SCAMP1: variants seen among roughly 807,000 people sequenced by gnomAD.
SCAMP1 encodes secretory carrier membrane protein 1.
A neutral mutation model predicts 41.8 loss-of-function variants in SCAMP1; 15 were observed. The observed-to-expected ratio is 0.36, with a 90% confidence interval of 0.24 to 0.55. The LOEUF is 0.55. SCAMP1 is among the 20% of genes least tolerant of loss of function. The probability of loss-of-function intolerance (pLI) is 0.86; values close to 1 mark genes in which losing one functional copy is unlikely to be tolerated. For synonymous variants in SCAMP1, 135 were observed against 136.8 expected (o/e 0.99, Z 0.09); for missense variants, 341 against 412.6 (o/e 0.83, Z 1.50).
Position 78,450,324 on chromosome 5 carries a change from GAGAT to G in SCAMP1, c.734+294_734+297del, listed in dbSNP as rs1409467359. Among the ~76,000 whole-genome samples the G allele has an allele frequency of 8.5e-5, 13 of 152,270 alleles. No individual in the cohort carries two copies. The East Asian group carries it at 2.5e-3, about 29-fold the overall frequency. ...TGCAAAAGAGACTGAGGTGGTCAGAGAGATAGAGGGACCAAGGAATGTGGAAGGG... is the reference window on the plus strand; with the variant it reads ...TGCAAAAGAGACTGAGGTGGTCAGAGAGAGGGACCAAGGAATGTGGAAGGG... On this transcript the variant is annotated intron_variant, in intron 7 of 8. Coordinates refer to ENST00000621999, the MANE Select transcript of SCAMP1 (RefSeq NM_004866.6).
intron 7 of SCAMP1, among the ~76,000 whole-genome samples, chr5:78,453,366 G>T (rs983189659): frequency 1.3e-5 from 2 of 149,414 alleles, no homozygotes; most frequent in African/African-American, 2.5e-5. Context: ...TTTTGTATAA[G>T]GTGTAAGGAA....
At chr5:78,413,484 C>T (rs1448845400) in intron 2 of SCAMP1, among the ~76,000 whole-genome samples, 6 of 146,562 alleles carry the variant, frequency 4.1e-5, no homozygotes, top group Non-Finnish European at 8.9e-5. Context: ...GTGGCATAAT[C>T]TGGGCTCACT....
chr5:78,430,106 A>ATTTG (rs1752569923), intron 6 of SCAMP1, among the ~76,000 whole-genome samples: 1 of 41,744 alleles, frequency 2.4e-5, no homozygotes, highest in African/African-American at 7.4e-5. Flanking sequence ...TAAATACAGT[A>ATTTG]TTTATTTATA....
chr5:78,430,094 T>A (rs1239494474), intron 6 of SCAMP1, among the ~76,000 whole-genome samples: 1 of 74,950 alleles, frequency 1.3e-5, no homozygotes, highest in African/African-American at 4.4e-5. Flanking sequence ...AGTATTTATT[T>A]ATAAATACAG....
intron 6 of SCAMP1, among the ~76,000 whole-genome samples, chr5:78,439,042 C>A (rs1371419490): frequency 6.6e-6 from 1 of 152,088 alleles, no homozygotes; most frequent in Non-Finnish European, 1.5e-5. Context: ...GCAACCCCTG[C>A]TTCTTTTTGC....
intron 2 of SCAMP1, among the ~76,000 whole-genome samples, chr5:78,406,594 G>A (rs1182350928): frequency 1.3e-5 from 2 of 152,052 alleles, no homozygotes; most frequent in African/African-American, 4.8e-5. Context: ...CTATATTATA[G>A]AGCAGTCCAT....
At chr5:78,405,138 A>AT (rs1751900838) in intron 2 of SCAMP1, among the ~76,000 whole-genome samples, 1 of 152,146 alleles carries the variant, frequency 6.6e-6, no homozygotes, top group Non-Finnish European at 1.5e-5. Flanking sequence ...TGAATTACTG[A>AT]TTTTTTAGTT....
At chr5:78,419,752 C>T (rs1261319959) in intron 5 of SCAMP1, among the ~76,000 whole-genome samples, 1 of 152,140 alleles carries the variant, frequency 6.6e-6, no homozygotes, top group Non-Finnish European at 1.5e-5. Context: ...ACCACCCTTC[C>T]CTTAATGGAT....
chr5:78,434,243 C>T (rs1360594176), intron 6 of SCAMP1, among the ~76,000 whole-genome samples: 4 of 152,194 alleles, frequency 2.6e-5, no homozygotes, highest in African/African-American at 9.7e-5. Context: ...TAGAGCAATG[C>T]ATCACAAGCT....
At chr5:78,395,441 A>G (rs1561259084) in intron 2 of SCAMP1, among the ~76,000 whole-genome samples, 1 of 152,208 alleles carries the variant, frequency 6.6e-6, no homozygotes, top group Non-Finnish European at 1.5e-5. Flanking sequence ...CACACTGGAT[A>G]TATTCATTTT....
At chr5:78,381,749 A>G (rs549866956) in intron 1 of SCAMP1, among the ~76,000 whole-genome samples, 41 of 152,324 alleles carry the variant, frequency 2.7e-4, no homozygotes, top group African/African-American at 8.4e-4. Context: ...TACTTGCTTT[A>G]TGCCAAATTT....
intron 6 of SCAMP1, among the ~76,000 whole-genome samples, chr5:78,439,811 A>G (rs115265355): frequency 6.6e-6 from 1 of 152,156 alleles, no homozygotes; most frequent in East Asian, 1.9e-4. Flanking sequence ...TTAGAGTGTT[A>G]TACAACTTGG....
chr5:78,469,885 G>T (rs1229108863), intron 8 of SCAMP1, among the ~76,000 whole-genome samples: 2 of 64,674 alleles, frequency 3.1e-5, no homozygotes, highest in South Asian at 6.1e-4. Context: ...CCCCTTACAA[G>T]ACATTAAAAA....
rs1754058642 is a variant in SCAMP1, at chr5:78,478,568, C to G, written c.*2900C>G. On this transcript the variant is annotated 3_prime_UTR_variant, in exon 9 of 9. Transcript: ENST00000621999. ...ATACAGATCATCTAGAAGTTAGATTCAAAATGGAAAACCTATTCATGGCTC... is the reference window on the plus strand; with the variant it reads ...ATACAGATCATCTAGAAGTTAGATTGAAAATGGAAAACCTATTCATGGCTC... The G allele has an allele frequency of 6.6e-6, 1 of 152,090 alleles. No individual in the cohort carries two copies. The highest frequency in any genetic ancestry group is 2.1e-4 in the South Asian group (1 of 4,830). 9.4% of individuals were successfully genotyped at this position (152,090 alleles called of 1,614,324 possible).
In SCAMP1 at chr5:78,480,614, C is replaced by T. The variant is rs1754118804; in HGVS notation, c.*4946C>T. ...CTAGTCTCCTGCACAAAAACTGAAC[C>T]CACTGGGCCTATGCATCCCTCACAC... On this transcript the variant is annotated 3_prime_UTR_variant, in exon 9 of 9. Coordinates refer to ENST00000621999, the MANE Select transcript of SCAMP1 (RefSeq NM_004866.6). 6.6e-6 allele frequency among the ~76,000 whole-genome samples: 1 copy of T among 152,074 alleles called. No homozygotes were observed. The highest frequency in any genetic ancestry group is 2.4e-5 in the African/African-American group (1 of 41,402).
At chr5:78,447,181 G>C (rs1753071585) in intron 6 of SCAMP1, among the ~76,000 whole-genome samples, 2 of 152,218 alleles carry the variant, frequency 1.3e-5, no homozygotes, top group Admixed American at 1.3e-4. Context: ...TAGAAAAATT[G>C]TCTTCCACGA....
chr5:78,418,008 GT>G (rs1272756834), intron 4 of SCAMP1, among the ~76,000 whole-genome samples: 1 of 152,006 alleles, frequency 6.6e-6, no homozygotes, highest in African/African-American at 2.4e-5. Flanking sequence ...CTATTTTCAT[GT>G]TTTGACTTCT....
chr5:78,415,844 A>G (rs1032001000), intron 3 of SCAMP1, among the ~76,000 whole-genome samples: 1 of 152,170 alleles, frequency 6.6e-6, no homozygotes, highest in African/African-American at 2.4e-5. Context: ...GAATTTATGT[A>G]TCATCTCAGT....
rs758704780 is a variant in SCAMP1, at chr5:78,421,854, G to A, written c.526G>A (p.Val176Ile). Reference protein sequence around the residue: ...NIFGCLAWFCVDSARAVDFGL... With the variant: ...NIFGCLAWFCIDSARAVDFGL... ...CTTCGGATGCTTGGCTTGGTTTTGT[G>A]TTGATTCTGCAAGAGCGGTTGATTT... The change falls in exon 6 of 9, where the codon GTT (valine) becomes ATT (isoleucine). Residue 176 changes from valine to isoleucine, a missense_variant. Coordinates refer to ENST00000621999, the MANE Select transcript of SCAMP1 (RefSeq NM_004866.6). 59 of 1,613,730 alleles carry A rather than the reference G, an allele frequency of 3.7e-5. 1 individual carries two copies. The Middle Eastern group carries it at 2.0e-3, about 54-fold the overall frequency.
Sources: allele counts gnomAD v4.1 joint callset (sites outside exome capture counted in the v4.1 genomes callset), GRCh38; gene constraint gnomAD v4.1.1; transcripts MANE v1.5; gene names NCBI Gene and HGNC (gene_info 2026-07-23, HGNC 2026-07-21).